The following MAP4K4 variants were observed in gnomAD, a reference collection of about 807,000 sequenced individuals.
The protein encoded by MAP4K4 is mitogen-activated protein kinase kinase kinase kinase 4, also known as HPK/GCK-like kinase HGK.
A neutral mutation model predicts 189.6 loss-of-function variants in MAP4K4; 38 were observed. That is an observed-to-expected ratio of 0.20 (90% CI 0.15 to 0.26). MAP4K4 has a LOEUF of 0.26. Ranked by LOEUF, MAP4K4 falls within the 10% of genes least tolerant of loss-of-function variation. The pLI is 1.00. For synonymous variants in MAP4K4, 610 were observed against 624.3 expected (o/e 0.98, Z 0.34); for missense variants, 1,054 against 1,726.9 (o/e 0.61, Z 6.91).
chr2:101,834,329 GT>G, intron 7 of MAP4K4, 79 bp from the exon 8 acceptor site: 1 of 1,058,690 alleles, frequency 9.4e-7, no homozygotes, highest in Non-Finnish European at 1.4e-6. Flanking sequence ...ATATAGCAAA[GT>G]TGTGTGAATA....
chr2:101,830,576 T>A (rs1420793426), intron 6 of MAP4K4, among the ~76,000 whole-genome samples: 1 of 152,232 alleles, frequency 6.6e-6, no homozygotes, highest in African/African-American at 2.4e-5. Context: ...AAGTAAGATC[T>A]TCATAGTTAC....
chr2:101,711,292 A>C (rs551035353), intron 2 of MAP4K4, among the ~76,000 whole-genome samples: 1 of 152,310 alleles, frequency 6.6e-6, no homozygotes, highest in East Asian at 1.9e-4. Flanking sequence ...AAAATAATTA[A>C]AAGATAAAGT....
intron 2 of MAP4K4, among the ~76,000 whole-genome samples, chr2:101,775,728 C>A (rs1054264557): frequency 6.6e-6 from 1 of 152,120 alleles, no homozygotes. Flanking sequence ...CTGTGTGCCC[C>A]GAGGCAGCCC....
chr2:101,812,078 G>A (rs971945910), intron 3 of MAP4K4, among the ~76,000 whole-genome samples: 3 of 152,126 alleles, frequency 2.0e-5, no homozygotes, highest in African/African-American at 4.8e-5. Flanking sequence ...ACAACAATAC[G>A]TTTACTTTTT....
At chr2:101,777,835 A>C (rs1168398319) in intron 2 of MAP4K4, among the ~76,000 whole-genome samples, 1 of 152,194 alleles carries the variant, frequency 6.6e-6, no homozygotes, top group African/African-American at 2.4e-5. Flanking sequence ...TTGGCCTCAG[A>C]ATCATGACCG....
intron 2 of MAP4K4, among the ~76,000 whole-genome samples, chr2:101,699,097 C>T (rs905956154): frequency 4.6e-5 from 7 of 152,170 alleles, no homozygotes; most frequent in African/African-American, 1.7e-4. Flanking sequence ...TGTGTTTGGG[C>T]AACAGCAGCA....
chr2:101,866,385 A>C, intron 18 of MAP4K4, 43 bp from the exon 19 acceptor site: 6 of 1,579,434 alleles, frequency 3.8e-6, no homozygotes, highest in African/African-American at 1.3e-5. Flanking sequence ...TGCTGCATCT[A>C]GAGATGACAC....
At chr2:101,824,788 T>C (rs1473622265) in intron 4 of MAP4K4, among the ~76,000 whole-genome samples, 2 of 152,252 alleles carry the variant, frequency 1.3e-5, no homozygotes, top group East Asian at 1.9e-4. Context: ...TTCTGGGTAC[T>C]TTAAACATAC....
intron 26 of MAP4K4, among the ~76,000 whole-genome samples, chr2:101,875,973 T>C (rs2098191805): frequency 6.6e-6 from 1 of 152,216 alleles, no homozygotes; most frequent in Non-Finnish European, 1.5e-5. Context: ...GAGAAGCTCC[T>C]TTAACAACCT....
intron 3 of MAP4K4, chr2:101,797,102 A>G (rs2093778881): frequency 1.6e-6 from 1 of 630,536 alleles, no homozygotes; most frequent in Admixed American, 3.6e-5. Context: ...AAGGCCATAT[A>G]ACACTGAACA....
chr2:101,840,481 C>T (rs1319711929), intron 10 of MAP4K4, among the ~76,000 whole-genome samples: 1 of 152,180 alleles, frequency 6.6e-6, no homozygotes, highest in South Asian at 2.1e-4. Context: ...GCATGCATAA[C>T]ACAAGCATGC....
chr2:101,704,694 G>C (rs995073903), intron 2 of MAP4K4, among the ~76,000 whole-genome samples: 2 of 149,536 alleles, frequency 1.3e-5, no homozygotes, highest in Non-Finnish European at 3.0e-5. Context: ...TGAGTAGCTG[G>C]GACTACAGGT....
intron 2 of MAP4K4, among the ~76,000 whole-genome samples, chr2:101,711,181 G>A (rs1287991698): frequency 2.6e-5 from 4 of 152,212 alleles, no homozygotes; most frequent in Admixed American, 6.5e-5. Context: ...TCCCCACGAC[G>A]TTAGGGCTGA....
At chr2:101,765,398 C>T (rs1224187022) in intron 2 of MAP4K4, among the ~76,000 whole-genome samples, 4 of 152,202 alleles carry the variant, frequency 2.6e-5, no homozygotes, top group African/African-American at 4.8e-5. Context: ...GGCGCAATCA[C>T]GGCTCTCTGC....
chr2:101,892,553 T>C (rs1444304918), exon 33 of MAP4K4: 2 of 268,818 alleles, frequency 7.4e-6, no homozygotes, highest in African/African-American at 4.6e-5. Flanking sequence ...CACAAACTGT[T>C]CAGTGTTGCA....
chr2:101,868,168 C>A, intron 21 of MAP4K4, 131 bp downstream of exon 21: 1 of 1,006,586 alleles, frequency 9.9e-7, no homozygotes, highest in Non-Finnish European at 1.5e-6. Context: ...ATTTAAAAAC[C>A]TCAAACTTTA....
At chr2:101,880,359 G>T (rs1209589039) in intron 27 of MAP4K4, among the ~76,000 whole-genome samples, 2 of 152,036 alleles carry the variant, frequency 1.3e-5, no homozygotes. Flanking sequence ...ATTTTGAATT[G>T]ATATTTGTGA....
chr2:101,800,999 G>A (rs765145211), intron 3 of MAP4K4, among the ~76,000 whole-genome samples: 5 of 149,070 alleles, frequency 3.4e-5, no homozygotes, highest in East Asian at 2.0e-4. Flanking sequence ...AAAAAAAATC[G>A]CCCAACAAAT....
chr2:101,812,690 A>G (rs1024680033), intron 3 of MAP4K4, among the ~76,000 whole-genome samples: 5 of 152,110 alleles, frequency 3.3e-5, no homozygotes, highest in Non-Finnish European at 7.3e-5. Context: ...TTTGCTGTAG[A>G]TAATTGCCAT....
Sources: gnomAD v4.1 joint callset for allele counts (sites outside exome capture counted in the v4.1 genomes callset) on GRCh38, gnomAD v4.1.1 for gene constraint, MANE v1.5 for transcripts, NCBI Gene and HGNC (gene_info 2026-07-23, HGNC 2026-07-21) for gene names.